The following GLS2 variants were observed in gnomAD, a reference collection of about 807,000 sequenced individuals.
GLS2 encodes glutaminase liver isoform, mitochondrial.
Under a neutral mutation model 79.0 loss-of-function variants are expected in GLS2, and 52 were observed. That is an observed-to-expected ratio of 0.66 (90% CI 0.53 to 0.83). The LOEUF (loss-of-function observed/expected upper bound fraction) is 0.83. Ranked by LOEUF, GLS2 falls within the 40% of genes least tolerant of loss-of-function variation. The pLI, the probability that GLS2 is intolerant of heterozygous loss-of-function variation, is 0.00. For missense variants in GLS2, 561 were observed against 764.8 expected (o/e 0.73, Z 3.14); for synonymous variants, 238 against 280.8 (o/e 0.85, Z 1.52).
rs778096250 is a variant in GLS2 at position 56,487,928 on chromosome 12, G to C, written c.182+9C>G. 9 of 1,601,558 alleles carry C rather than the reference G, an allele frequency of 5.6e-6. No individual in the cohort carries two copies. In the East Asian group the frequency reaches 2.0e-4, roughly 36 times the overall value. On this transcript the variant is annotated intron_variant, in intron 1 of 17. Transcript: ENST00000311966. ...AAGCCCGTCCCCTGCCCTGTCCCAG[G>C]AGCCTTACTGATCCTGGTGCTGCGG...
chr12:56,484,009 T>C (rs1454450836), intron 1 of GLS2, among the ~76,000 whole-genome samples: 1 of 152,106 alleles, frequency 6.6e-6, no homozygotes, highest in Non-Finnish European at 1.5e-5. Context: ...TGGTGGCTCA[T>C]GCCTGTAATC....
At chr12:56,474,748 G>A in intron 11 of GLS2, 28 bp from the exon 12 acceptor site, 5 of 1,609,920 alleles carry the variant, frequency 3.1e-6, no homozygotes, top group Non-Finnish European at 3.4e-6. Flanking sequence ...AGGTGAAGAT[G>A]TGACGTGAAC....
rs1486966301 is a variant in GLS2, at chr12:56,475,698, G to C, written c.871-16C>G. 1.2e-6 allele frequency: 2 copies of C among 1,614,020 alleles called. No homozygotes were observed. The highest frequency in any genetic ancestry group is 2.2e-5 in the South Asian group (2 of 91,076). ...ACTGCAACACCTGGAAGAGAAAAAG[G>C]GACATTGAGGCTCCACTTGGTTAAG... On this transcript the variant is annotated splice_polypyrimidine_tract_variant and intron_variant, in intron 8 of 17. Transcript: ENST00000311966.
In GLS2 at chr12:56,478,358, A is replaced by G. The variant is rs145141347; in HGVS notation, c.535-96T>C. 7.7e-5 allele frequency: 104 copies of G among 1,344,772 alleles called. No homozygotes were observed. The African/African-American group carries it at 1.1e-3, about 14-fold the overall frequency. 83.3% of individuals were successfully genotyped at this position (1,344,772 alleles called of 1,614,324 possible). ...AGAGAATCTTTTAGATAAAAGCTAA[A>G]ATTCTGTCTTCTATAGGGCAGAGGG... On this transcript the variant is annotated intron_variant, in intron 4 of 17. Coordinates refer to ENST00000311966, the MANE Select transcript of GLS2 (RefSeq NM_013267.4).
At chr12:56,476,107 G>A (rs1435689297) in intron 7 of GLS2, 130 bp from the exon 8 acceptor site, 3 of 807,306 alleles carry the variant, frequency 3.7e-6, no homozygotes, top group Middle Eastern at 2.3e-4. Flanking sequence ...TTTTATAATG[G>A]CCCTTTTTTT....
Position 56,472,100 on chromosome 12 carries a change from C to G in GLS2, c.1588+19G>C. On this transcript the variant is annotated intron_variant, in intron 16 of 17. Transcript: ENST00000311966. Reference sequence around the variant, plus strand: ...GTCTTATGATTACCCTCCTCCTCCCCTCCTTAACCCTTCAGTACCTTCAGC... The same window carrying G: ...GTCTTATGATTACCCTCCTCCTCCCGTCCTTAACCCTTCAGTACCTTCAGC... 6.2e-7 allele frequency: 1 copy of G among 1,613,148 alleles called. No homozygotes were observed. Among genetic ancestry groups the G allele is most frequent in the South Asian group, 1.1e-5 (1 of 90,996 alleles).
chr12:56,474,708 C>A lies in GLS2; in HGVS notation c.1060G>T (p.Glu354Ter). Residue 354 changes from glutamate (E) to a stop codon, truncating the protein, a stop_gained, in exon 12 of 18, where the codon GAG (glutamate) becomes TAG (stop). Transcript: ENST00000311966. LOFTEE classifies it high-confidence loss of function. Reference sequence around the variant, plus strand: ...ACACTGCCTGATTCACAAGTGACCTCCACAGAACACAGCTATGAAAACAAA... The same window carrying A: ...ACACTGCCTGATTCACAAGTGACCTACACAGAACACAGCTATGAAAACAAA... ...LDLYFQLCSV[E>*]VTCESGSVMA... 1 of 1,610,396 alleles carries A rather than the reference C, an allele frequency of 6.2e-7. No individual in the cohort carries two copies. Among genetic ancestry groups the A allele is most frequent in the South Asian group, 1.1e-5 (1 of 90,648 alleles).
intron 11 of GLS2, 62 bp downstream of exon 11, chr12:56,474,784 G>A: frequency 6.2e-7 from 1 of 1,613,346 alleles, no homozygotes. Context: ...TCGGGTGTAG[G>A]GAAAGGGCAA....
At chr12:56,474,353 A>C (rs1869597413) in intron 12 of GLS2, 191 bp downstream of exon 12, 2 of 673,774 alleles carry the variant, frequency 3.0e-6, no homozygotes, top group African/African-American at 3.6e-5. Context: ...CCTCCCAAAG[A>C]CATCTCTTTA....
rs775423724 is a variant in GLS2, at chr12:56,473,493, C to G, written c.1326G>C (p.Gly442=). 6.2e-7 allele frequency: 1 copy of G among 1,613,832 alleles called. No individual in the cohort carries two copies. Among genetic ancestry groups the G allele is most frequent in the South Asian group, 1.1e-5 (1 of 91,066 alleles). The change falls in exon 13 of 18, where the codon GGG becomes GGC. Residue 442 remains glycine, a synonymous_variant. Transcript: ENST00000311966. ...MCLSPPLDKL[G]NSHRGTSFCQ... ...AGAAGCTGGTCCCCCTATGGCTGTT[C>G]CCCAGCTTGTCCAATGGGGGTGACA...
At position 56,480,356 on chromosome 12, in the gene GLS2, G is replaced by A. The variant is rs1487903672; in HGVS notation, c.214C>T (p.Leu72=). The change falls in exon 2 of 18, where the codon CTG becomes TTG. Residue 72 remains leucine, a synonymous_variant. Coordinates refer to ENST00000311966, the MANE Select transcript of GLS2 (RefSeq NM_013267.4). Reference sequence around the variant, plus strand: ...ATAGTGTAAAAGAGCAAATCACCCAGGCGGGACAGCATGCCACTTTCTGAT... The same window carrying A: ...ATAGTGTAAAAGAGCAAATCACCCAAGCGGGACAGCATGCCACTTTCTGAT... ...DSSESGMLSR[L]GDLLFYTIAE... is the part of the protein sequence containing the mutation. 6.2e-7 allele frequency: 1 copy of A among 1,614,176 alleles called. No homozygotes were observed. The highest frequency in any genetic ancestry group is 8.5e-7 in the Non-Finnish European group (1 of 1,180,016).
intron 14 of GLS2, chr12:56,472,956 C>G: frequency 1.8e-6 from 1 of 562,360 alleles, no homozygotes; most frequent in Admixed American, 3.3e-5. Flanking sequence ...GGCGCGCGGT[C>G]TTGGCTCACT....
intron 4 of GLS2, 62 bp downstream of exon 4, chr12:56,478,986 GAAAA>G (rs34646954): frequency 5.5e-3 from 7,398 of 1,345,584 alleles, no homozygotes; most frequent in South Asian, 0.016. Flanking sequence ...TCTGTCTCAG[GAAAA>G]AAAAAAAAAA....
intron 3 of GLS2, 67 bp from the exon 4 acceptor site, chr12:56,479,248 G>T (rs535191996): frequency 6.4e-7 from 1 of 1,573,650 alleles, no homozygotes; most frequent in African/African-American, 1.3e-5. Context: ...CTGGAGCCAC[G>T]GAAATTGGGA....
chr12:56,479,257 G>A (rs1270835383), intron 3 of GLS2, 76 bp from the exon 4 acceptor site: 2 of 1,559,918 alleles, frequency 1.3e-6, no homozygotes, highest in Non-Finnish European at 1.7e-6. Flanking sequence ...CGGAAATTGG[G>A]AATAAAGAAG....
At chr12:56,479,357 A>G (rs905929263) in intron 3 of GLS2, 176 bp from the exon 4 acceptor site, 12 of 683,452 alleles carry the variant, frequency 1.8e-5, no homozygotes, top group East Asian at 8.7e-5. Flanking sequence ...GTACCTCTAA[A>G]ATGAGGGGTT....
At chr12:56,479,735 A>G in intron 3 of GLS2, 45 bp downstream of exon 3, 6 of 1,554,808 alleles carry the variant, frequency 3.9e-6, no homozygotes, top group Non-Finnish European at 5.2e-6. Flanking sequence ...CTATGTCCAC[A>G]GGACAGTTTT....
In GLS2 at chr12:56,484,252, A is replaced by C. The variant is rs570646837; in HGVS notation, c.182+3685T>G. ...GCCACTGCTCTCCAGCCTGGGCAACAGAGCGAGACTCCATCTCAAATACAT... is the reference window on the plus strand; with the variant it reads ...GCCACTGCTCTCCAGCCTGGGCAACCGAGCGAGACTCCATCTCAAATACAT... On this transcript the variant is annotated intron_variant, in intron 1 of 17. Coordinates refer to ENST00000311966, the MANE Select transcript of GLS2 (RefSeq NM_013267.4). 3.3e-5 allele frequency among the ~76,000 whole-genome samples: 5 copies of C among 152,354 alleles called. No individual in the cohort carries two copies. The South Asian group carries it at 1.0e-3, about 32-fold the overall frequency.
intron 15 of GLS2, chr12:56,472,489 T>A: frequency 1.6e-6 from 1 of 613,952 alleles, no homozygotes; most frequent in Admixed American, 3.0e-5. Flanking sequence ...TCAATAACAA[T>A]GGCTAACATT....
Sources: allele counts gnomAD v4.1 joint callset (sites outside exome capture counted in the v4.1 genomes callset), GRCh38; gene constraint gnomAD v4.1.1; transcripts MANE v1.5; gene names NCBI Gene and HGNC (gene_info 2026-07-23, HGNC 2026-07-21).